Variants in HCN1 observed in about 807,000 individuals in gnomAD.
HCN1 encodes potassium/sodium hyperpolarization-activated cyclic nucleotide-gated channel 1.
HCN1 carries 13 observed loss-of-function variants against 78.9 expected under a neutral mutation model. The observed-to-expected ratio is 0.16, with a 90% CI of 0.11 to 0.26. The LOEUF (loss-of-function observed/expected upper bound fraction) is 0.26. HCN1 is among the 10% of genes least tolerant of loss of function. HCN1 has a pLI of 1.00. For missense variants in HCN1, 810 were observed against 1,154.3 expected (o/e 0.70, Z 4.32); for synonymous variants, 552 against 455.5 (o/e 1.21, Z -2.70).
intron 2 of HCN1, among the ~76,000 whole-genome samples, chr5:45,606,283 G>A (rs1744725643): frequency 6.6e-6 from 1 of 151,796 alleles, no homozygotes; most frequent in Non-Finnish European, 1.5e-5. Context: ...AACTCCACCT[G>A]GTACAGAACA....
At chr5:45,445,215 G>A (rs1436423074) in intron 3 of HCN1, among the ~76,000 whole-genome samples, 2 of 152,182 alleles carry the variant, frequency 1.3e-5, no homozygotes, top group East Asian at 1.9e-4. Flanking sequence ...CTTAGAAAAC[G>A]GCGCACCAGG....
At chr5:45,539,693 A>T (rs1008040824) in intron 2 of HCN1, among the ~76,000 whole-genome samples, 7 of 148,854 alleles carry the variant, frequency 4.7e-5, no homozygotes, top group African/African-American at 1.5e-4. Flanking sequence ...CAATATTTTA[A>T]AAAATATTAT....
chr5:45,266,978 G>A, intron 7 of HCN1, 111 bp downstream of exon 7: 1 of 928,728 alleles, frequency 1.1e-6, no homozygotes, highest in Non-Finnish European at 1.8e-6. Flanking sequence ...CAAAGTGATG[G>A]GATTACAGGC....
chr5:45,625,043 C>T (rs1176947184), intron 2 of HCN1, among the ~76,000 whole-genome samples: 1 of 152,106 alleles, frequency 6.6e-6, no homozygotes, highest in Admixed American at 6.5e-5. Flanking sequence ...AGCAAGGCTA[C>T]ATGTTGGTAT....
At chr5:45,313,535 G>A (rs1232356353) in intron 5 of HCN1, among the ~76,000 whole-genome samples, 1 of 152,216 alleles carries the variant, frequency 6.6e-6, no homozygotes, top group Non-Finnish European at 1.5e-5. Flanking sequence ...TCGATGAGTT[G>A]AGAGAAGAAG....
intron 2 of HCN1, among the ~76,000 whole-genome samples, chr5:45,634,887 A>G (rs760463196): frequency 6.6e-6 from 1 of 152,082 alleles, no homozygotes; most frequent in African/African-American, 2.4e-5. Context: ...CCTTAGTATC[A>G]TCCAAAATGA....
intron 3 of HCN1, among the ~76,000 whole-genome samples, chr5:45,460,618 T>G (rs1315292080): frequency 6.6e-6 from 1 of 151,760 alleles, no homozygotes; most frequent in Non-Finnish European, 1.5e-5. Context: ...TAGTGATATA[T>G]AAGCAAATAT....
intron 2 of HCN1, among the ~76,000 whole-genome samples, chr5:45,582,648 G>T (rs1744106033): frequency 6.6e-6 from 1 of 152,162 alleles, no homozygotes; most frequent in Non-Finnish European, 1.5e-5. Flanking sequence ...TATGATATTG[G>T]CTGTGGGTTT....
intron 5 of HCN1, among the ~76,000 whole-genome samples, chr5:45,346,754 A>G (rs77675663): frequency 3.0e-4 from 46 of 152,302 alleles, no homozygotes; most frequent in African/African-American, 1.1e-3. Context: ...ATGGAGTCTC[A>G]CTGATTGCTA....
At chr5:45,550,240 A>T (rs1307281518) in intron 2 of HCN1, among the ~76,000 whole-genome samples, 2 of 152,200 alleles carry the variant, frequency 1.3e-5, no homozygotes, top group Non-Finnish European at 2.9e-5. Context: ...AAGACTTGGA[A>T]CTAACCCAAA....
chr5:45,569,743 G>T (rs1743786164), intron 2 of HCN1, among the ~76,000 whole-genome samples: 1 of 151,678 alleles, frequency 6.6e-6, no homozygotes, highest in African/African-American at 2.4e-5. Context: ...TCTTAATATA[G>T]TTTAAAGTTT....
chr5:45,349,055 A>G (rs1746822980), intron 5 of HCN1, among the ~76,000 whole-genome samples: 1 of 152,172 alleles, frequency 6.6e-6, no homozygotes, highest in African/African-American at 2.4e-5. Context: ...TCCACCCCAA[A>G]TCAATAGAAT....
At chr5:45,326,862 G>T (rs576261522) in intron 5 of HCN1, among the ~76,000 whole-genome samples, 2 of 151,550 alleles carry the variant, frequency 1.3e-5, no homozygotes, top group Non-Finnish European at 3.0e-5. Context: ...CCACTGCTTT[G>T]CCTTACTAGA....
intron 2 of HCN1, among the ~76,000 whole-genome samples, chr5:45,584,625 C>T (rs1233043690): frequency 2.0e-5 from 3 of 152,236 alleles, no homozygotes; most frequent in Middle Eastern, 3.4e-3. Context: ...TTCCTAGCCT[C>T]GATGGTCTTT....
chr5:45,560,897 G>A (rs901330281), intron 2 of HCN1, among the ~76,000 whole-genome samples: 2 of 151,980 alleles, frequency 1.3e-5, no homozygotes, highest in Admixed American at 6.6e-5. Context: ...TCTCTATAGC[G>A]TGGAAGTTTT....
intron 3 of HCN1, 62 bp from the exon 4 acceptor site, chr5:45,396,772 T>C (rs1436951337): frequency 8.3e-7 from 1 of 1,202,974 alleles, no homozygotes; most frequent in African/African-American, 1.5e-5. Context: ...GAAAAGTGAG[T>C]AGGACCTGTA....
chr5:45,664,814 G>T (rs1162780796), intron 1 of HCN1, among the ~76,000 whole-genome samples: 1 of 151,916 alleles, frequency 6.6e-6, no homozygotes, highest in African/African-American at 2.4e-5. Flanking sequence ...TGCTGGAGAG[G>T]ATGTGGAGAA....
chr5:45,645,127 A>T, intron 2 of HCN1, 58 bp downstream of exon 2: 3 of 1,295,506 alleles, frequency 2.3e-6, no homozygotes, highest in Non-Finnish European at 3.3e-6. Context: ...TCATTGTAAA[A>T]CAGCCATAAT....
chr5:45,639,725 G>A (rs928361061), intron 2 of HCN1, among the ~76,000 whole-genome samples: 1 of 152,086 alleles, frequency 6.6e-6, no homozygotes, highest in Non-Finnish European at 1.5e-5. Context: ...ATCTAAAAAA[G>A]TACTGTGTTT....
Sources: allele counts gnomAD v4.1 joint callset (sites outside exome capture counted in the v4.1 genomes callset), GRCh38; gene constraint gnomAD v4.1.1; transcripts MANE v1.5; gene names NCBI Gene and HGNC (gene_info 2026-07-23, HGNC 2026-07-21).